The following ABI1 variants were observed in gnomAD, a reference collection of about 807,000 sequenced individuals.
ABI1 encodes Abelson interactor 1.
Under a neutral mutation model 54.6 loss-of-function variants are expected in ABI1, and 14 were observed. That is an observed-to-expected ratio of 0.26 (90% CI 0.17 to 0.40). ABI1 has a LOEUF of 0.40. Ranked by LOEUF, ABI1 falls within the 10% of genes least tolerant of loss-of-function variation. The probability of loss-of-function intolerance (pLI) is 1.00; values close to 1 mark genes in which losing one functional copy is unlikely to be tolerated. For missense variants in ABI1, 443 were observed against 598.3 expected (o/e 0.74, Z 2.71); for synonymous variants, 194 against 209.3 (o/e 0.93, Z 0.63).
intron 1 of ABI1, among the ~76,000 whole-genome samples, chr10:26,850,619 T>C (rs564643877): frequency 1.6e-4 from 24 of 149,706 alleles, no homozygotes; most frequent in African/African-American, 4.4e-4. Flanking sequence ...GACCGCGCTA[T>C]TGCACTCCAG....
chr10:26,777,103 C>G lies in ABI1; in HGVS notation c.424G>C (p.Asp142His), dbSNP rs1231592952. Residue 142 changes from aspartate to histidine, a missense_variant, in exon 3 of 11, where the codon GAT (aspartate) becomes CAT (histidine). Transcript: ENST00000376140. ...CCCACATCATCCAGAACTGTGTAAT[C>G]GATAGGTTTCCGAATATACCTTACA... ...RPVRYIRKPI[D>H]YTVLDDVGHG... The G allele has an allele frequency of 6.2e-7, 1 of 1,612,830 alleles. No homozygotes were observed. The highest frequency in any genetic ancestry group is 8.5e-7 in the Non-Finnish European group (1 of 1,179,650).
intron 1 of ABI1, among the ~76,000 whole-genome samples, chr10:26,852,673 A>G (rs2050493420): frequency 6.6e-6 from 1 of 152,244 alleles, no homozygotes; most frequent in Non-Finnish European, 1.5e-5. Context: ...AAATGTACCA[A>G]ATACAATTTT....
chr10:26,753,439 C>T (rs1266179133), intron 9 of ABI1, among the ~76,000 whole-genome samples: 1 of 152,158 alleles, frequency 6.6e-6, no homozygotes, highest in Non-Finnish European at 1.5e-5. Flanking sequence ...TGATTTATCA[C>T]ATTAGTTTAA....
At chr10:26,760,783 G>A (rs1839022276) in intron 7 of ABI1, among the ~76,000 whole-genome samples, 1 of 150,510 alleles carries the variant, frequency 6.6e-6, no homozygotes, top group African/African-American at 2.4e-5. Flanking sequence ...CCAGCTACTC[G>A]GGAGGTTGAG....
intron 1 of ABI1, among the ~76,000 whole-genome samples, chr10:26,855,253 A>C (rs142119257): frequency 2.4e-3 from 371 of 152,310 alleles, no homozygotes; most frequent in African/African-American, 7.3e-3. Flanking sequence ...ATCTCTTCTT[A>C]TATTCACAAC....
chr10:26,749,328 CA>C (rs1262748812), intron 10 of ABI1, among the ~76,000 whole-genome samples: 3 of 152,120 alleles, frequency 2.0e-5, no homozygotes, highest in African/African-American at 4.8e-5. Flanking sequence ...GTTCAAGATA[CA>C]GGTTGAGTAA....
At chr10:26,787,662 G>A (rs1842875600) in intron 2 of ABI1, among the ~76,000 whole-genome samples, 1 of 152,128 alleles carries the variant, frequency 6.6e-6, no homozygotes, top group African/African-American at 2.4e-5. Flanking sequence ...CTTTTTCAGC[G>A]AGACTAATTC....
rs1840625700 is a variant in ABI1, at chr10:26,771,058, T to C, written c.477+17A>G. The C allele has an allele frequency of 1.2e-6, 2 of 1,613,520 alleles. No individual in the cohort carries two copies. Among genetic ancestry groups the C allele is most frequent in the South Asian group, 2.2e-5 (2 of 91,062 alleles). On this transcript the variant is annotated intron_variant, in intron 4 of 10. Transcript: ENST00000376140. Reference sequence around the variant, plus strand: ...AGAGGAAATACTGTGGATCAAATGATAAGTAATGGCTCTTACCTTGGCTTT... The same window carrying C: ...AGAGGAAATACTGTGGATCAAATGACAAGTAATGGCTCTTACCTTGGCTTT...
intron 6 of ABI1, 88 bp from the exon 7 acceptor site, chr10:26,765,406 C>T (rs1394569330): frequency 5.6e-6 from 5 of 890,606 alleles, no homozygotes; most frequent in Non-Finnish European, 8.6e-6. Context: ...CTAAATACTC[C>T]TTTTATGTCA....
chr10:26,768,822 G>T, intron 6 of ABI1, 30 bp downstream of exon 6: 1 of 1,595,680 alleles, frequency 6.3e-7, no homozygotes. Context: ...CCACTTTAGA[G>T]ATGTTGAGAT....
chr10:26,776,891 C>G (rs1409927573), intron 3 of ABI1, 174 bp downstream of exon 3: 2 of 547,300 alleles, frequency 3.7e-6, no homozygotes, highest in Non-Finnish European at 6.2e-6. Flanking sequence ...ACAGCCTATT[C>G]AACTGATAAA....
At chr10:26,786,516 C>T (rs1461408085) in intron 2 of ABI1, among the ~76,000 whole-genome samples, 1 of 151,808 alleles carries the variant, frequency 6.6e-6, no homozygotes, top group Admixed American at 6.6e-5. Flanking sequence ...CACCATGCCC[C>T]GCCTCTCTAC....
intron 2 of ABI1, among the ~76,000 whole-genome samples, chr10:26,813,105 T>C (rs2047341074): frequency 6.6e-6 from 1 of 151,886 alleles, no homozygotes; most frequent in South Asian, 2.1e-4. Context: ...AAAAATGACC[T>C]AGGTGTGGTG....
rs181357163 is a variant in ABI1, at chr10:26,758,983, T to G, written c.997+79A>C. On this transcript the variant is annotated intron_variant, in intron 8 of 10. Coordinates refer to ENST00000376140, the MANE Select transcript of ABI1 (RefSeq NM_001012750.3). Reference sequence around the variant, plus strand: ...ATGGTTTTCAATTGTTGTCTATCACTGGCAAGAATAACAGTTTCAAATAAT... The same window carrying G: ...ATGGTTTTCAATTGTTGTCTATCACGGGCAAGAATAACAGTTTCAAATAAT... The G allele has an allele frequency of 2.2e-6, 3 of 1,360,644 alleles. No homozygotes were observed. The Admixed American group carries it at 6.8e-5, about 31-fold the overall frequency. 84.3% of individuals were successfully genotyped at this position (1,360,644 alleles called of 1,614,324 possible). A position where few individuals can be genotyped will look rare whatever the true frequency, so the allele number is the denominator to read the frequency against.
intron 2 of ABI1, among the ~76,000 whole-genome samples, chr10:26,815,182 C>T (rs1012633340): frequency 6.6e-6 from 1 of 151,588 alleles, no homozygotes; most frequent in African/African-American, 2.4e-5. Flanking sequence ...CTTTTTAATT[C>T]CCCAATTAAG....
Position 26,768,619 on chromosome 10 carries a change from C to T in ABI1, c.719+233G>A, listed in dbSNP as rs576751988. Among the ~76,000 whole-genome samples, 37 of 151,468 alleles carry T rather than the reference C, an allele frequency of 2.4e-4. 2 individuals are homozygous for T. In the South Asian group the frequency reaches 7.5e-3, roughly 31 times the overall value. ...GTACCTCTATCAAAAGGAGGAAATA[C>T]AAACAATCCATTAATAGTACAAATA... On this transcript the variant is annotated intron_variant, in intron 6 of 10. Transcript: ENST00000376140.
intron 1 of ABI1, among the ~76,000 whole-genome samples, chr10:26,855,270 A>G (rs2050714479): frequency 6.6e-6 from 1 of 152,238 alleles, no homozygotes; most frequent in African/African-American, 2.4e-5. Context: ...CAACCTGGAA[A>G]CAATGGTAAA....
chr10:26,823,714 C>T (rs2048129781), intron 1 of ABI1, among the ~76,000 whole-genome samples: 1 of 152,164 alleles, frequency 6.6e-6, no homozygotes, highest in African/African-American at 2.4e-5. Flanking sequence ...GTCCACTAAC[C>T]ACCATCGGAA....
chr10:26,847,540 C>A (rs957080577), intron 1 of ABI1, among the ~76,000 whole-genome samples: 1 of 151,926 alleles, frequency 6.6e-6, no homozygotes, highest in Non-Finnish European at 1.5e-5. Flanking sequence ...GGGAGGATTG[C>A]TTGAGCCCAG....
Sources: gnomAD v4.1 joint callset for allele counts (sites outside exome capture counted in the v4.1 genomes callset) on GRCh38, gnomAD v4.1.1 for gene constraint, MANE v1.5 for transcripts, NCBI Gene and HGNC (gene_info 2026-07-23, HGNC 2026-07-21) for gene names.